HTR4: variants seen among roughly 807,000 people sequenced by gnomAD.
HTR4 encodes 5-hydroxytryptamine (serotonin) receptor 4, G protein-coupled.
A neutral mutation model predicts 36.8 loss-of-function variants in HTR4; 16 were observed. The ratio of observed to expected loss-of-function variants is 0.43; its 90% CI spans 0.29 to 0.66. The LOEUF (loss-of-function observed/expected upper bound fraction) is 0.66, where lower values mean the gene tolerates loss of function less well. Among genes scored for constraint, HTR4 ranks in the 30% least tolerant of loss-of-function variants. The pLI, the probability that HTR4 is intolerant of heterozygous loss-of-function variation, is 0.13. For missense variants in HTR4, 438 were observed against 490.9 expected (o/e 0.89, Z 1.02); for synonymous variants, 189 against 185.1 (o/e 1.02, Z -0.17).
At chr5:148,495,491 CTCTTG>C (rs1283616069) in intron 6 of HTR4, among the ~76,000 whole-genome samples, 1 of 152,088 alleles carries the variant, frequency 6.6e-6, no homozygotes, top group Non-Finnish European at 1.5e-5. Flanking sequence ...TTTTTTCATC[CTCTTG>C]TCAAGTCCTA....
At chr5:148,625,824 C>A (rs1753081955) in intron 2 of HTR4, among the ~76,000 whole-genome samples, 1 of 151,916 alleles carries the variant, frequency 6.6e-6, no homozygotes, top group Non-Finnish European at 1.5e-5. Context: ...CGTGATCCAC[C>A]CACCTTGGCC....
intron 2 of HTR4, among the ~76,000 whole-genome samples, chr5:148,634,073 G>A (rs1048486756): frequency 4.6e-5 from 7 of 152,190 alleles, no homozygotes; most frequent in South Asian, 2.1e-4. Context: ...CAGTATGGCC[G>A]GACAAAACAC....
At chr5:148,649,781 ACTCATTGATT>A (rs1309761197) in intron 1 of HTR4, among the ~76,000 whole-genome samples, 1 of 152,216 alleles carries the variant, frequency 6.6e-6, no homozygotes, top group Non-Finnish European at 1.5e-5. Flanking sequence ...GTCTTGTTCC[ACTCATTGATT>A]CTCATTAATC....
chr5:148,523,674 T>TAA (rs1758131526), intron 4 of HTR4, among the ~76,000 whole-genome samples: 1 of 152,164 alleles, frequency 6.6e-6, no homozygotes, highest in Non-Finnish European at 1.5e-5. Flanking sequence ...AATATTAATA[T>TAA]ATACTTTGGA....
intron 4 of HTR4, among the ~76,000 whole-genome samples, chr5:148,524,305 C>A (rs190002567): frequency 7.4e-4 from 112 of 152,286 alleles, no homozygotes; most frequent in African/African-American, 2.6e-3. Flanking sequence ...TGCATCACTT[C>A]TGGGACAAAC....
intron 2 of HTR4, among the ~76,000 whole-genome samples, chr5:148,581,588 G>T (rs1414683094): frequency 6.6e-6 from 1 of 152,060 alleles, no homozygotes; most frequent in African/African-American, 2.4e-5. Context: ...AATTATTGAA[G>T]AGACTGTCCT....
chr5:148,605,787 T>C (rs1024455282), intron 2 of HTR4, among the ~76,000 whole-genome samples: 3 of 151,936 alleles, frequency 2.0e-5, no homozygotes, highest in African/African-American at 7.2e-5. Context: ...ACCCAGACTG[T>C]TACAGCTGAG....
At position 148,482,073 on chromosome 5, in the gene HTR4, A is replaced by C. The variant is rs1755912202; in HGVS notation, c.*1130T>G. The stretch of plus-strand genomic sequence containing the variant: ...TGGGGTCCAGAGATGAAAGAACACT[A>C]TTCAAGATCTCACAGCTTGTTTGCA... On this transcript the variant is annotated 3_prime_UTR_variant, in exon 7 of 7. Transcript: ENST00000377888. 1.0e-6 allele frequency: 1 copy of C among 980,000 alleles called. No homozygotes were observed. Among genetic ancestry groups the C allele is most frequent in the Admixed American group, 6.1e-5 (1 of 16,366 alleles). 60.7% of individuals were successfully genotyped at this position (980,000 alleles called of 1,614,324 possible).
chr5:148,484,384 C>G, intron 6 of HTR4: 1 of 1,609,244 alleles, frequency 6.2e-7, no homozygotes, highest in Non-Finnish European at 8.5e-7. Flanking sequence ...TCTGTCCTAG[C>G]AGATAAAGAA....
At chr5:148,653,148 T>A (rs531465483) in intron 1 of HTR4, among the ~76,000 whole-genome samples, 3 of 152,220 alleles carry the variant, frequency 2.0e-5, no homozygotes, top group African/African-American at 7.2e-5. Context: ...AGAGAATCCA[T>A]CCCAGCGATG....
chr5:148,638,819 C>T (rs1021313475), intron 1 of HTR4, among the ~76,000 whole-genome samples: 1 of 152,094 alleles, frequency 6.6e-6, no homozygotes, highest in African/African-American at 2.4e-5. Flanking sequence ...CTTTGGGGGG[C>T]CTAGGTGAGT....
chr5:148,482,824 GGC>G lies in HTR4; in HGVS notation c.*377_*378del, dbSNP rs1755951599. 41 of 1,064,906 alleles carry G rather than the reference GGC, an allele frequency of 3.9e-5. No homozygotes were observed. Among genetic ancestry groups the G allele is most frequent in the Non-Finnish European group, 4.6e-5 (40 of 876,100 alleles). The allele number at this position is 1,064,906 out of a possible 1,614,324, so 66.0% of individuals were successfully genotyped here. A position where few individuals can be genotyped will look rare whatever the true frequency, so the allele number is the denominator to read the frequency against. ...ATCTGGAAGCCCACACAGCAAAGAA[GGC>G]GTATTTGGAGACATCAGTGACCGAG... On this transcript the variant is annotated 3_prime_UTR_variant, in exon 7 of 7. Coordinates refer to ENST00000377888, the MANE Select transcript of HTR4 (RefSeq NM_000870.7).
At chr5:148,588,152 T>C (rs1227852807) in intron 2 of HTR4, among the ~76,000 whole-genome samples, 1 of 152,214 alleles carries the variant, frequency 6.6e-6, no homozygotes, top group Non-Finnish European at 1.5e-5. Context: ...GAGTCTCCCC[T>C]GCTGAACCAT....
chr5:148,464,281 T>A (rs1755365088), intron 5 of HTR4, among the ~76,000 whole-genome samples: 1 of 152,082 alleles, frequency 6.6e-6, no homozygotes, highest in Admixed American at 6.5e-5. Context: ...TCTTTGAGGT[T>A]AAGAGAATGA....
chr5:148,570,101 G>T (rs1252602064), intron 2 of HTR4, among the ~76,000 whole-genome samples: 1 of 152,090 alleles, frequency 6.6e-6, no homozygotes, highest in East Asian at 1.9e-4. Flanking sequence ...TCTCCAAGCA[G>T]CTGGGTGTGA....
At chr5:148,548,606 C>A in intron 4 of HTR4, 62 bp downstream of exon 4, 1 of 1,293,090 alleles carries the variant, frequency 7.7e-7, no homozygotes, top group South Asian at 1.3e-5. Flanking sequence ...AGACACTGCC[C>A]AATATCCATC....
intron 5 of HTR4, among the ~76,000 whole-genome samples, chr5:148,454,937 C>A (rs2113685352): frequency 6.6e-6 from 1 of 152,146 alleles, no homozygotes; most frequent in Non-Finnish European, 1.5e-5. Context: ...ACCAAACAGC[C>A]CTAGGAAATG....
intron 2 of HTR4, among the ~76,000 whole-genome samples, chr5:148,569,613 G>A (rs1760594553): frequency 6.8e-6 from 1 of 148,100 alleles, no homozygotes; most frequent in African/African-American, 2.5e-5. Flanking sequence ...TTATTTTATT[G>A]TACAGAAGTT....
At chr5:148,535,715 C>G (rs1000112089) in intron 4 of HTR4, among the ~76,000 whole-genome samples, 1 of 151,962 alleles carries the variant, frequency 6.6e-6, no homozygotes, top group African/African-American at 2.4e-5. Flanking sequence ...ATAAGGAAAA[C>G]CTCTGAGAAG....
Sources: allele counts gnomAD v4.1 joint callset (sites outside exome capture counted in the v4.1 genomes callset), GRCh38; gene constraint gnomAD v4.1.1; transcripts MANE v1.5; gene names NCBI Gene and HGNC (gene_info 2026-07-23, HGNC 2026-07-21).